The following BTF3 variants were observed in gnomAD, a reference collection of about 807,000 sequenced individuals.
BTF3 encodes basic transcription factor 3.
Under a neutral mutation model 23.9 loss-of-function variants are expected in BTF3, and 12 were observed. The observed-to-expected ratio is 0.50, with a 90% confidence interval of 0.32 to 0.81. BTF3 has a LOEUF of 0.81. BTF3 is among the 40% of genes least tolerant of loss of function. The pLI is 0.03. For synonymous variants in BTF3, 96 were observed against 94.8 expected, an observed-to-expected ratio of 1.01 and a Z score of -0.07; for missense variants, 215 against 255.9, an observed-to-expected ratio of 0.84 and a Z score of 1.09.
chr5:73,498,776 G>A lies in BTF3; in HGVS notation c.109G>A (p.Gly37Arg). 6.6e-7 allele frequency: 1 copy of A among 1,506,546 alleles called. No homozygotes were observed. Among genetic ancestry groups the A allele is most frequent in the Non-Finnish European group, 8.8e-7 (1 of 1,136,900 alleles). The allele number at this position is 1,506,546 out of a possible 1,614,324, so 93.3% of individuals were successfully genotyped here. The change falls in exon 1 of 6, where the codon GGA becomes AGA. Residue 37 changes from glycine to arginine, a missense_variant. This residue lies in a region of BTF3 where 116 missense variants were observed against 84.7 expected (regional missense o/e 1.37). Transcript: ENST00000380591. ...GCTGTCTCAACCTCCACCTCGCGGC[G>A]GAACCCGAGGACAGGAGCCTCAGGT... is the stretch of plus-strand genomic sequence containing the variant. ...ATLSQPPPRGGTRGQEPQMKE... is the reference protein window; with the variant it reads ...ATLSQPPPRGRTRGQEPQMKE...
intron 3 of BTF3, 21 bp downstream of exon 3, chr5:73,502,622 C>A: frequency 6.5e-7 from 1 of 1,539,148 alleles, no homozygotes; most frequent in Non-Finnish European, 8.8e-7. Context: ...AATTTTGTTA[C>A]TTTAAAAAAC....
intron 4 of BTF3, 54 bp from the exon 5 acceptor site, chr5:73,504,293 G>GTTTTTTTTTTT: frequency 7.6e-6 from 1 of 130,940 alleles, no homozygotes; most frequent in East Asian, 9.6e-5. Context: ...TTTTTTTTTT[G>GTTTTTTTTTTT]GTGAATATTT....
chr5:73,498,585 T>A lies in BTF3; in HGVS notation c.-83T>A, dbSNP rs1353866744. 2 of 1,404,014 alleles carry A rather than the reference T, an allele frequency of 1.4e-6. No individual in the cohort carries two copies. Among genetic ancestry groups the A allele is most frequent in the Non-Finnish European group, 1.8e-6 (2 of 1,086,884 alleles). The allele number at this position is 1,404,014 out of a possible 1,614,324, so 87.0% of individuals were successfully genotyped here. The stretch of plus-strand genomic sequence containing the variant: ...TACAAAAAGGCTCTGGACGGCGGCG[T>A]GGTAGGAGGACGGGAGCGGGGGCGG... On this transcript the variant is annotated 5_prime_UTR_variant, in exon 1 of 6. Coordinates refer to ENST00000380591, the MANE Select transcript of BTF3 (RefSeq NM_001037637.2).
At chr5:73,501,973 G>A (rs1423766400) in intron 2 of BTF3, among the ~76,000 whole-genome samples, 1 of 152,038 alleles carries the variant, frequency 6.6e-6, no homozygotes, top group Non-Finnish European at 1.5e-5. Context: ...TTTGAGACCA[G>A]CCTGGCCAAC....
intron 2 of BTF3, 48 bp downstream of exon 2, chr5:73,499,250 G>T (rs1186873267): frequency 6.3e-7 from 1 of 1,579,856 alleles, no homozygotes; most frequent in Admixed American, 1.7e-5. Context: ...TAAGGTTTAG[G>T]TATTTTAAAA....
chr5:73,503,961 T>C (rs1030011842), intron 4 of BTF3, among the ~76,000 whole-genome samples: 1 of 152,204 alleles, frequency 6.6e-6, no homozygotes, highest in Non-Finnish European at 1.5e-5. Context: ...GCATCACCCT[T>C]ATGCCACACA....
intron 5 of BTF3, 110 bp downstream of exon 5, chr5:73,504,513 A>AT: frequency 5.4e-6 from 4 of 747,454 alleles, no homozygotes; most frequent in Non-Finnish European, 8.8e-6. Context: ...AGATGGACAT[A>AT]GATCTTACTT....
intron 2 of BTF3, among the ~76,000 whole-genome samples, chr5:73,500,923 C>A (rs3797856): frequency 0.2 from 29,612 of 150,146 alleles, 5,210 homozygotes; most frequent in East Asian, 0.52. Context: ...AGGTTAGTAA[C>A]CAGTACTTTT....
chr5:73,499,344 G>A, intron 2 of BTF3, 142 bp downstream of exon 2: 1 of 876,458 alleles, frequency 1.1e-6, no homozygotes, highest in Admixed American at 2.0e-5. Flanking sequence ...AAATCTCGAG[G>A]AGCGGGGGAG....
rs764307835 is a variant in BTF3 at position 73,502,898 on chromosome 5, T to G, written c.316-18T>G. 5.6e-6 allele frequency: 9 copies of G among 1,608,010 alleles called. No homozygotes were observed. The South Asian group carries it at 8.8e-5, about 16-fold the overall frequency. Reference sequence around the variant, plus strand: ...GACTGGTCAGCATTGCTAATTTAAATTTTTCTTTTCTTAATAGGTGAATAT... The same window carrying G: ...GACTGGTCAGCATTGCTAATTTAAAGTTTTCTTTTCTTAATAGGTGAATAT... On this transcript the variant is annotated intron_variant, in intron 3 of 5. Transcript: ENST00000380591.
intron 4 of BTF3, 113 bp from the exon 5 acceptor site, chr5:73,504,234 T>G (rs1361022475): frequency 1.4e-6 from 1 of 705,206 alleles, no homozygotes; most frequent in Non-Finnish European, 2.2e-6. Flanking sequence ...ATCATGGAAA[T>G]AAGTTGTAAC....
chr5:73,503,588 A>G (rs2111963242), intron 4 of BTF3, among the ~76,000 whole-genome samples: 1 of 152,360 alleles, frequency 6.6e-6, no homozygotes, highest in East Asian at 1.9e-4. Flanking sequence ...AGCTGAATAT[A>G]CATCTGAGGA....
intron 4 of BTF3, 69 bp from the exon 5 acceptor site, chr5:73,504,267 CTTTTTTTTTTT>C (rs34051700): frequency 0.014 from 1,722 of 125,534 alleles, 46 homozygotes; most frequent in African/African-American, 0.083. Flanking sequence ...TTCATCTGTT[CTTTTTTTTTTT>C]TTTTTTTTTT....
intron 4 of BTF3, 31 bp downstream of exon 4, chr5:73,503,148 A>G: frequency 6.2e-7 from 1 of 1,602,798 alleles, no homozygotes. Context: ...TTTACCAGGG[A>G]ATTACTCATT....
intron 3 of BTF3, 102 bp from the exon 4 acceptor site, chr5:73,502,814 C>A: frequency 8.2e-7 from 1 of 1,224,552 alleles, no homozygotes; most frequent in Non-Finnish European, 1.1e-6. Flanking sequence ...TTCACCTGTG[C>A]TTCACAGTGA....
In BTF3 at chr5:73,498,827, G is replaced by A. The variant is rs528335034; in HGVS notation, c.132+28G>A. The A allele has an allele frequency of 4.0e-6, 6 of 1,503,676 alleles. No individual in the cohort carries two copies. The African/African-American group carries it at 5.7e-5, about 14-fold the overall frequency. The allele number at this position is 1,503,676 out of a possible 1,614,324, so 93.1% of individuals were successfully genotyped here. On this transcript the variant is annotated intron_variant, in intron 1 of 5. Transcript: ENST00000380591. ...ACCGCGAGGCTTGCGGAGAGTGGCC[G>A]GGCCGGGCAGGCCCTGGCTAGGCCG... is the stretch of plus-strand genomic sequence containing the variant.
At chr5:73,502,770 G>T in intron 3 of BTF3, 146 bp from the exon 4 acceptor site, 1 of 877,166 alleles carries the variant, frequency 1.1e-6, no homozygotes. Context: ...AAGTCTGAAT[G>T]CTATTAGAAT....
chr5:73,505,408 T>C lies in BTF3; in HGVS notation c.*170T>C. ...TGCAGCTCTTTTCAGTTTTTGCTTATACACAATTCATTCTTTGCAGCTAAT... is the reference window on the plus strand; with the variant it reads ...TGCAGCTCTTTTCAGTTTTTGCTTACACACAATTCATTCTTTGCAGCTAAT... On this transcript the variant is annotated 3_prime_UTR_variant, in exon 6 of 6. Transcript: ENST00000380591. The C allele has an allele frequency of 3.7e-6, 2 of 540,366 alleles. No individual in the cohort carries two copies. The highest frequency in any genetic ancestry group is 6.4e-6 in the Non-Finnish European group (2 of 313,408). 33.5% of individuals were successfully genotyped at this position (540,366 alleles called of 1,614,324 possible). A position where few individuals can be genotyped will look rare whatever the true frequency, so the allele number is the denominator to read the frequency against.
In BTF3 at chr5:73,498,700, C is replaced by A; in HGVS notation, c.33C>A (p.Asp11Glu). 1 of 1,496,982 alleles carries A rather than the reference C, an allele frequency of 6.7e-7. No homozygotes were observed. Among genetic ancestry groups the A allele is most frequent in the Non-Finnish European group, 8.8e-7 (1 of 1,131,716 alleles). 92.7% of individuals were successfully genotyped at this position (1,496,982 alleles called of 1,614,324 possible). ...GGACAGGCGCACCCGCTCAGGCTGACTCTCGGGGGCGAGGTCGAGCCAGGG... is the reference window on the plus strand; with the variant it reads ...GGACAGGCGCACCCGCTCAGGCTGAATCTCGGGGGCGAGGTCGAGCCAGGG... MRRTGAPAQA[D>E]SRGRGRARGG... Residue 11 changes from aspartate to glutamate, a missense_variant, in exon 1 of 6, where the codon GAC becomes GAA. By Grantham distance (45) the Asp-to-Glu change is conservative (BLOSUM62 2). Transcript: ENST00000380591.
Sources: allele counts gnomAD v4.1 joint callset (sites outside exome capture counted in the v4.1 genomes callset), GRCh38; gene constraint gnomAD v4.1.1; regional missense constraint gnomAD v4.1.1; transcripts MANE v1.5; gene names NCBI Gene and HGNC (gene_info 2026-07-23, HGNC 2026-07-21).